Variants in UBE3C observed in about 807,000 individuals in gnomAD.
UBE3C encodes ubiquitin-protein ligase E3C.
UBE3C carries 42 observed loss-of-function variants against 129.4 expected under a neutral mutation model. The ratio of observed to expected loss-of-function variants is 0.32; its 90% CI spans 0.25 to 0.42. UBE3C has a LOEUF of 0.42. UBE3C is among the 10% of genes least tolerant of loss of function. The pLI is 1.00. For missense variants in UBE3C, 1,049 were observed against 1,319.1 expected (o/e 0.80, Z 3.17); for synonymous variants, 510 against 492.4 (o/e 1.04, Z -0.47).
At chr7:157,237,428 G>A (rs537344846) in intron 18 of UBE3C, among the ~76,000 whole-genome samples, 20 of 152,226 alleles carry the variant, frequency 1.3e-4, no homozygotes, top group Non-Finnish European at 1.8e-4. Context: ...GCGACAGAGC[G>A]AGACTCCGTC....
intron 22 of UBE3C, among the ~76,000 whole-genome samples, chr7:157,258,706 T>C (rs1182371): frequency 0.75 from 113,033 of 151,406 alleles, 42,278 homozygotes; most frequent in Non-Finnish European, 0.77. Flanking sequence ...GTGATCCACC[T>C]ACCTCAGCCT....
At chr7:157,205,131 G>T (rs1359542368) in intron 11 of UBE3C, among the ~76,000 whole-genome samples, 5 of 152,212 alleles carry the variant, frequency 3.3e-5, no homozygotes, top group Non-Finnish European at 7.3e-5. Context: ...AGGAATATTT[G>T]AGTCAGTGTT....
chr7:157,253,878 AT>A, intron 19 of UBE3C, 75 bp from the exon 20 acceptor site: 1 of 1,392,240 alleles, frequency 7.2e-7, no homozygotes, highest in Non-Finnish European at 9.7e-7. Context: ...TCCTTAAAAC[AT>A]TTGTTTCTTG....
chr7:157,269,207 G>A lies in UBE3C; in HGVS notation c.*1452G>A, dbSNP rs963986260. The A allele has an allele frequency of 2.6e-5, 4 of 152,432 alleles. No homozygotes were observed. The highest frequency in any genetic ancestry group is 9.7e-5 in the African/African-American group (4 of 41,396). 9.4% of individuals were successfully genotyped at this position (152,432 alleles called of 1,614,324 possible). On this transcript the variant is annotated 3_prime_UTR_variant, in exon 23 of 23. Transcript: ENST00000348165. ...ATGTTGAATGTTCTATATCTTATTA[G>A]TTAATTTGTATATTTTATTAGTATT... is the stretch of plus-strand genomic sequence containing the variant.
intron 19 of UBE3C, 148 bp downstream of exon 19, chr7:157,248,728 G>A (rs1004852472): frequency 6.1e-6 from 5 of 813,914 alleles, no homozygotes; most frequent in Non-Finnish European, 9.7e-6. Flanking sequence ...GAAGCATATA[G>A]CTCCAAAGCA....
chr7:157,224,043 C>T (rs1268445136), intron 16 of UBE3C, among the ~76,000 whole-genome samples: 1 of 151,924 alleles, frequency 6.6e-6, no homozygotes, highest in Non-Finnish European at 1.5e-5. Flanking sequence ...GGATCTCACT[C>T]TGTCACCTGG....
rs758736337 is a variant in UBE3C at position 157,182,219 on chromosome 7, C to T, written c.882C>T (p.Tyr294=). 27 of 1,614,050 alleles carry T rather than the reference C, an allele frequency of 1.7e-5. No individual in the cohort carries two copies. Among genetic ancestry groups the T allele is most frequent in the East Asian group, 6.7e-5 (3 of 44,906 alleles). ...ALADAQTVFP[Y]EPFLNALLLI... ...CAGATGCGCAGACCGTTTTCCCTTA[C>T]GAGCCCTTTCTGAATGCACTGTTGT... The change falls in exon 8 of 23, where the codon TAC becomes TAT. Residue 294 remains tyrosine, a synonymous_variant. Transcript: ENST00000348165.
Position 157,220,772 on chromosome 7 carries a change from G to A in UBE3C, c.1998G>A (p.Leu666=). The change falls in exon 15 of 23, where the codon CTG becomes CTA. Residue 666 remains leucine (L), a synonymous_variant. Coordinates refer to ENST00000348165, the MANE Select transcript of UBE3C (RefSeq NM_014671.3). ...GGATAGGCCCGCTGCAGTCCACCCTGGACGGTGAGTTCTCTAGGACACAGG... is the reference window on the plus strand; with the variant it reads ...GGATAGGCCCGCTGCAGTCCACCCTAGACGGTGAGTTCTCTAGGACACAGG... The part of the protein sequence containing the change: ...MGRIGPLQST[L]DVGLESPPLS... 6.2e-7 allele frequency: 1 copy of A among 1,614,124 alleles called. No individual in the cohort carries two copies. Among genetic ancestry groups the A allele is most frequent in the South Asian group, 1.1e-5 (1 of 91,088 alleles).
rs1464108106 is a variant in UBE3C, at chr7:157,207,718, A to G, written c.1592A>G (p.Gln531Arg). Reference protein sequence around the residue: ...GDPIEVVGQRQSSMMPFTLEE... With the variant: ...GDPIEVVGQRRSSMMPFTLEE... ...TGTTTTTTAGTTGTAGGTCAAAGAC[A>G]ATCATCAATGATGCCTTTTACTTTA... The change falls in exon 13 of 23, where the codon CAA (glutamine) becomes CGA (arginine). Residue 531 changes from glutamine (Q) to arginine (R), a missense_variant. By Grantham distance (43) the Gln-to-Arg change is conservative (BLOSUM62 1). Coordinates refer to ENST00000348165, the MANE Select transcript of UBE3C (RefSeq NM_014671.3). 2.5e-6 allele frequency: 4 copies of G among 1,613,124 alleles called. No homozygotes were observed. Among genetic ancestry groups the G allele is most frequent in the Non-Finnish European group, 3.4e-6 (4 of 1,179,844 alleles).
chr7:157,258,893 T>G (rs1456100434), intron 22 of UBE3C, among the ~76,000 whole-genome samples: 1 of 152,228 alleles, frequency 6.6e-6, no homozygotes, highest in East Asian at 1.9e-4. Context: ...TTGTTAACAT[T>G]TTGCTACATT....
chr7:157,249,706 T>A (rs1394317079), intron 19 of UBE3C, among the ~76,000 whole-genome samples: 2 of 152,226 alleles, frequency 1.3e-5, no homozygotes, highest in African/African-American at 4.8e-5. Context: ...ATTATATGGA[T>A]ATACCACAAG....
At chr7:157,205,888 T>C (rs1226043526) in intron 11 of UBE3C, among the ~76,000 whole-genome samples, 1 of 152,212 alleles carries the variant, frequency 6.6e-6, no homozygotes, top group Admixed American at 6.5e-5. Flanking sequence ...CCATGCACCA[T>C]GGAGACTCAG....
intron 18 of UBE3C, among the ~76,000 whole-genome samples, chr7:157,237,436 G>A (rs6955689): frequency 0.33 from 50,489 of 151,454 alleles, 11,346 homozygotes; most frequent in African/African-American, 0.63. Context: ...GCGAGACTCC[G>A]TCTCAAAAAA....
At chr7:157,189,773 T>C (rs1407947627) in intron 10 of UBE3C, among the ~76,000 whole-genome samples, 1 of 152,152 alleles carries the variant, frequency 6.6e-6, no homozygotes. Context: ...TCTCACTCTT[T>C]CCTAAACTTC....
chr7:157,253,186 G>GT (rs2116691879), intron 19 of UBE3C, among the ~76,000 whole-genome samples: 1 of 152,242 alleles, frequency 6.6e-6, no homozygotes, highest in South Asian at 2.1e-4. Flanking sequence ...GCAATTCCAA[G>GT]TCAGACAAAC....
chr7:157,222,948 G>A lies in UBE3C; in HGVS notation c.2003-306G>A, dbSNP rs575126668. On this transcript the variant is annotated intron_variant, in intron 15 of 22. Transcript: ENST00000348165. ...CCCACTGCTGGATCTGGCTGCATTCGGGCCTCACCGCCAGTGCTAGGGCTA... is the reference window on the plus strand; with the variant it reads ...CCCACTGCTGGATCTGGCTGCATTCAGGCCTCACCGCCAGTGCTAGGGCTA... 4.3e-5 allele frequency: 11 copies of A among 254,684 alleles called. No individual in the cohort carries two copies. The East Asian group carries it at 7.2e-4, about 17-fold the overall frequency. The allele number at this position is 254,684 out of a possible 1,614,324, so 15.8% of individuals were successfully genotyped here.
Position 157,183,971 on chromosome 7 carries a change from A to G in UBE3C, c.1085A>G (p.His362Arg), listed in dbSNP as rs754465613. ...GTCTCTCCTGCCAGCGCGAGCTGTC[A>G]CGACTCAGCCAGTGACTCTGAGGAG... ...LPVSPASASCHDSASDSEEES... is the reference protein window; with the variant it reads ...LPVSPASASCRDSASDSEEES... Residue 362 changes from histidine (H) to arginine (R), a missense_variant, in exon 9 of 23, where the codon CAC (histidine) becomes CGC (arginine). His to Arg is a conservative substitution (Grantham distance 29, BLOSUM62 0). Around this residue, in one of 4 missense-constraint regions of UBE3C, gnomAD observed 489 missense variants for 513.8 expected, o/e 0.95. Coordinates refer to ENST00000348165, the MANE Select transcript of UBE3C (RefSeq NM_014671.3). 2 of 1,614,046 alleles carry G rather than the reference A, an allele frequency of 1.2e-6. No homozygotes were observed. The highest frequency in any genetic ancestry group is 1.3e-5 in the African/African-American group (1 of 74,908).
chr7:157,177,974 C>T (rs1338724247), intron 5 of UBE3C, among the ~76,000 whole-genome samples: 7 of 150,126 alleles, frequency 4.7e-5, no homozygotes, highest in Non-Finnish European at 8.9e-5. Context: ...TGTAAAATAC[C>T]TTGTGAAAGC....
chr7:157,212,326 A>G (rs1449508215), intron 13 of UBE3C, among the ~76,000 whole-genome samples: 1 of 152,244 alleles, frequency 6.6e-6, no homozygotes, highest in African/African-American at 2.4e-5. Flanking sequence ...GTTGCCCTTC[A>G]AAACTTGGAC....
Sources: gnomAD v4.1 joint callset for allele counts (sites outside exome capture counted in the v4.1 genomes callset) on GRCh38, gnomAD v4.1.1 for gene constraint, gnomAD v4.1.1 regional missense constraint, MANE v1.5 for transcripts, NCBI Gene and HGNC (gene_info 2026-07-23, HGNC 2026-07-21) for gene names.